BCR: variants seen among roughly 807,000 people sequenced by gnomAD.
BCR encodes the protein breakpoint cluster region protein.
BCR carries 58 observed loss-of-function variants against 138.6 expected under a neutral mutation model. The ratio of observed to expected loss-of-function variants is 0.42; its 90% confidence interval spans 0.34 to 0.52. The LOEUF is 0.52. BCR is among the 20% of genes least tolerant of loss of function. The pLI is 0.06. For missense variants in BCR, 1,599 were observed against 1,727.2 expected (o/e 0.93, Z 1.32); for synonymous variants, 786 against 730.1 (o/e 1.08, Z -1.23).
intron 8 of BCR, among the ~76,000 whole-genome samples, chr22:23,274,309 G>A (rs1281546012): frequency 1.3e-5 from 2 of 152,152 alleles, no homozygotes; most frequent in Admixed American, 6.5e-5. Context: ...CTTCCCCCCC[G>A]TCACTGATGT....
rs1488909147 is a variant in BCR, at chr22:23,290,106, T to C, written c.2708-233T>C. 4 of 595,198 alleles carry C rather than the reference T, an allele frequency of 6.7e-6. No individual in the cohort carries two copies. In the East Asian group the frequency reaches 8.5e-5, roughly 13 times the overall value. 36.9% of individuals were successfully genotyped at this position (595,198 alleles called of 1,614,324 possible). On this transcript the variant is annotated intron_variant, in intron 13 of 22. Coordinates refer to ENST00000305877, the MANE Select transcript of BCR (RefSeq NM_004327.4). ...CCCCTCTGCTGTCCTTGGAACCTTA[T>C]TACACTTCGAGTCACTGGTTTGCCT...
chr22:23,205,756 T>C (rs913311179), intron 1 of BCR, among the ~76,000 whole-genome samples: 1 of 152,098 alleles, frequency 6.6e-6, no homozygotes, highest in Non-Finnish European at 1.5e-5. Context: ...AAATCGATGC[T>C]ACTTTGTGGA....
chr22:23,181,232 G>A lies in BCR; in HGVS notation c.272G>A (p.Arg91Gln). ...AQAPDGASEP[R>Q]ASASRPQPAP... Reference sequence around the variant, plus strand: ...GCCCCCGACGGCGCCTCCGAGCCCCGAGCGTCCGCGTCGCGCCCGCAGCCA... The same window carrying A: ...GCCCCCGACGGCGCCTCCGAGCCCCAAGCGTCCGCGTCGCGCCCGCAGCCA... Residue 91 changes from arginine (R) to glutamine (Q), a missense_variant, in exon 1 of 23, where the codon CGA becomes CAA. Arg to Gln is a conservative substitution (Grantham distance 43). Coordinates refer to ENST00000305877, the MANE Select transcript of BCR (RefSeq NM_004327.4). 1 of 1,236,566 alleles carries A rather than the reference G, an allele frequency of 8.1e-7. No individual in the cohort carries two copies. The highest frequency in any genetic ancestry group is 1.0e-6 in the Non-Finnish European group (1 of 980,606). 76.6% of individuals were successfully genotyped at this position (1,236,566 alleles called of 1,614,324 possible).
At position 23,317,041 on chromosome 22, in the gene BCR, G is replaced by C. The variant is rs2074080029; in HGVS notation, c.*1519G>C. 1 of 165,680 alleles carries C rather than the reference G, an allele frequency of 6.0e-6. No individual in the cohort carries two copies. Among genetic ancestry groups the C allele is most frequent in the Non-Finnish European group, 1.2e-5 (1 of 85,534 alleles). The allele number at this position is 165,680 out of a possible 1,614,324, so 10.3% of individuals were successfully genotyped here. A position where few individuals can be genotyped will look rare whatever the true frequency, so the allele number is the denominator to read the frequency against. On this transcript the variant is annotated 3_prime_UTR_variant, in exon 23 of 23. Transcript: ENST00000305877. ...GATCACATTTAAGGAAGTGTGTGGG[G>C]TCCCTGGATGACACCAGCACCCAGT...
intron 1 of BCR, among the ~76,000 whole-genome samples, chr22:23,182,561 C>T (rs1245955786): frequency 1.3e-5 from 2 of 152,216 alleles, no homozygotes; most frequent in African/African-American, 2.4e-5. Flanking sequence ...AGGCAGTAAC[C>T]TCCTTGCTAT....
At chr22:23,264,144 T>G in intron 4 of BCR, 1 of 1,516,014 alleles carries the variant, frequency 6.6e-7, no homozygotes, top group Non-Finnish European at 9.1e-7. Context: ...CACCCTGTAC[T>G]GCCTGCAGAC....
At chr22:23,185,091 TCCCATAGGGCC>T (rs1415626050) in intron 1 of BCR, among the ~76,000 whole-genome samples, 1 of 152,116 alleles carries the variant, frequency 6.6e-6, no homozygotes, top group Non-Finnish European at 1.5e-5. Context: ...ACAAAGTGCT[TCCCATAGGGCC>T]CCTCATGGGC....
chr22:23,219,233 C>T (rs1014403725), intron 1 of BCR, among the ~76,000 whole-genome samples: 2 of 152,214 alleles, frequency 1.3e-5, no homozygotes, highest in African/African-American at 4.8e-5. Flanking sequence ...AGGTGCTTCT[C>T]AAGGCTGAAA....
chr22:23,190,693 G>A (rs2072402305), intron 1 of BCR, among the ~76,000 whole-genome samples: 2 of 152,128 alleles, frequency 1.3e-5, no homozygotes, highest in African/African-American at 2.4e-5. Context: ...CCAGGCAGAG[G>A]GAGATGGTGT....
At position 23,287,159 on chromosome 22, in the gene BCR, AG is replaced by A; in HGVS notation, c.2410del (p.Ala804ArgfsTer11). The A allele has an allele frequency of 6.3e-7, 1 of 1,577,514 alleles. No homozygotes were observed. The highest frequency in any genetic ancestry group is 1.2e-5 in the South Asian group (1 of 85,794). ...QIKNDIQREK[R>X]ANKGSKATER... ...GTGAGGCTGTGGCATCTCCCCACAGAGGGCGAACAAGGGCAGCAAGGCTACG... is the reference window on the plus strand; with the variant it reads ...GTGAGGCTGTGGCATCTCCCCACAGAGGCGAACAAGGGCAGCAAGGCTACG... On this transcript the variant is annotated frameshift_variant and splice_region_variant, in exon 11 of 23. Coordinates refer to ENST00000305877, the MANE Select transcript of BCR (RefSeq NM_004327.4). LOFTEE classifies it high-confidence loss of function.
chr22:23,282,250 A>G (rs1238743285), intron 8 of BCR, among the ~76,000 whole-genome samples: 2 of 152,154 alleles, frequency 1.3e-5, no homozygotes, highest in Admixed American at 6.5e-5. Context: ...CCAGCTCTAC[A>G]TGATGTTTCT....
intron 4 of BCR, chr22:23,262,966 T>G: frequency 1.0e-6 from 1 of 991,610 alleles, no homozygotes; most frequent in Non-Finnish European, 1.3e-6. Context: ...GCGAGAGGCA[T>G]CATCAAAGGA....
intron 1 of BCR, among the ~76,000 whole-genome samples, chr22:23,241,080 T>C (rs756411720): frequency 6.6e-6 from 1 of 152,230 alleles, no homozygotes. Flanking sequence ...CACTCATGCA[T>C]TGATGGATGC....
In BCR at chr22:23,186,022, G is replaced by A. The variant is rs573728119; in HGVS notation, c.1279+3783G>A. Among the ~76,000 whole-genome samples the A allele has an allele frequency of 3.0e-3, 461 of 151,964 alleles. 4 individuals are homozygous for A. The highest frequency in any genetic ancestry group is 0.011 in the African/African-American group (440 of 41,428). On this transcript the variant is annotated intron_variant, in intron 1 of 22. Transcript: ENST00000305877. The stretch of plus-strand genomic sequence containing the variant: ...GGGATTACAGGCGTGAGCCACCCGC[G>A]CAAGGCGGATAGTGTGGTTCTTGCG...
intron 16 of BCR, among the ~76,000 whole-genome samples, chr22:23,299,097 C>A (rs947264250): frequency 6.6e-6 from 1 of 152,106 alleles, no homozygotes; most frequent in African/African-American, 2.4e-5. Flanking sequence ...CCTGGGTTCA[C>A]GCCATTCTCC....
chr22:23,244,114 A>G (rs1484844975), intron 1 of BCR, among the ~76,000 whole-genome samples: 1 of 152,154 alleles, frequency 6.6e-6, no homozygotes, highest in Non-Finnish European at 1.5e-5. Context: ...CTTATTCCAC[A>G]TACTTACTGG....
chr22:23,282,438 G>C (rs528366501), intron 8 of BCR, among the ~76,000 whole-genome samples: 2 of 152,202 alleles, frequency 1.3e-5, no homozygotes, highest in Admixed American at 6.5e-5. Context: ...GTTCCCCTTC[G>C]CAAGAGCCGG....
In BCR at chr22:23,181,512, C is replaced by T. The variant is rs1032744220; in HGVS notation, c.552C>T (p.His184=). 8.7e-6 allele frequency: 14 copies of T among 1,612,600 alleles called. No homozygotes were observed. Among genetic ancestry groups the T allele is most frequent in the South Asian group, 3.3e-5 (3 of 91,070 alleles). ...TCTACGTGAACGTCGAGTTTCACCA[C>T]GAGCGCGGCCTGGTGAAGGTCAACG... is the stretch of plus-strand genomic sequence containing the variant. The part of the protein sequence containing the change: ...KPFYVNVEFH[H]ERGLVKVNDK... The change falls in exon 1 of 23, where the codon CAC becomes CAT. Residue 184 remains histidine (H), a synonymous_variant. Transcript: ENST00000305877.
intron 1 of BCR, 59 bp downstream of exon 1, chr22:23,182,298 G>A: frequency 6.9e-7 from 1 of 1,456,490 alleles, no homozygotes; most frequent in Non-Finnish European, 9.1e-7. Context: ...AACCATAGAC[G>A]AGTAGGGGAT....
Sources: gnomAD v4.1 joint callset for allele counts (sites outside exome capture counted in the v4.1 genomes callset) on GRCh38, gnomAD v4.1.1 for gene constraint, MANE v1.5 for transcripts, NCBI Gene and HGNC (gene_info 2026-07-23, HGNC 2026-07-21) for gene names.